Variants in FBN2 observed in about 807,000 individuals in gnomAD.
FBN2 encodes fibrillin-2.
FBN2 carries 105 observed loss-of-function variants against 355.6 expected under a neutral mutation model. That is an observed-to-expected ratio of 0.30 (90% CI 0.25 to 0.35). The LOEUF is 0.35. Among genes scored for constraint, FBN2 ranks in the 10% least tolerant of loss-of-function variants. The pLI is 1.00. For synonymous variants in FBN2, 1,350 were observed against 1,301.2 expected (o/e 1.04, Z -0.81); for missense variants, 3,280 against 3,758.7 (o/e 0.87, Z 3.33).
intron 48 of FBN2, among the ~76,000 whole-genome samples, chr5:128,292,090 T>C (rs1749339858): frequency 6.6e-6 from 1 of 152,108 alleles, no homozygotes; most frequent in South Asian, 2.1e-4. Flanking sequence ...GTGGCAGCCA[T>C]TTCTACCTCC....
chr5:128,275,875 A>G (rs552169696), intron 59 of FBN2, among the ~76,000 whole-genome samples, 163 bp downstream of exon 59: 1 of 152,278 alleles, frequency 6.6e-6, no homozygotes, highest in East Asian at 1.9e-4. Context: ...GCTTCCTGCA[A>G]TGAGCATATT....
chr5:128,461,967 A>G (rs1238676346), intron 6 of FBN2, among the ~76,000 whole-genome samples: 1 of 152,216 alleles, frequency 6.6e-6, no homozygotes, highest in African/African-American at 2.4e-5. Flanking sequence ...TTTTTTAATA[A>G]GAAATAAAGC....
At chr5:128,490,596 A>T (rs940248407) in intron 5 of FBN2, among the ~76,000 whole-genome samples, 4 of 152,240 alleles carry the variant, frequency 2.6e-5, no homozygotes, top group African/African-American at 9.6e-5. Context: ...GTGATTACAC[A>T]GGTTTATGTC....
intron 6 of FBN2, among the ~76,000 whole-genome samples, chr5:128,462,246 T>C (rs1221681418): frequency 6.6e-6 from 1 of 152,216 alleles, no homozygotes; most frequent in African/African-American, 2.4e-5. Flanking sequence ...TCAATCATCG[T>C]ATAAAAAAGA....
At chr5:128,415,193 CTA>C (rs1753164403) in intron 7 of FBN2, among the ~76,000 whole-genome samples, 2 of 152,078 alleles carry the variant, frequency 1.3e-5, no homozygotes, top group Admixed American at 1.3e-4. Context: ...ACTATCATTT[CTA>C]TGTGGTAAAA....
intron 36 of FBN2, among the ~76,000 whole-genome samples, chr5:128,316,669 T>A (rs1314155702): frequency 6.6e-6 from 1 of 152,194 alleles, no homozygotes; most frequent in East Asian, 1.9e-4. Context: ...ATACTTCACA[T>A]TATCCAGGTT....
At chr5:128,379,563 A>T (rs539711069) in intron 11 of FBN2, among the ~76,000 whole-genome samples, 16 of 152,144 alleles carry the variant, frequency 1.1e-4, no homozygotes, top group Non-Finnish European at 2.1e-4. Context: ...GTTTTATGCA[A>T]ATACTAGTCG....
rs116646643 is a variant in FBN2 at position 128,277,181 on chromosome 5, A to G, written c.7471+699T>C. On this transcript the variant is annotated intron_variant, in intron 58 of 64. Coordinates refer to ENST00000262464, the MANE Select transcript of FBN2 (RefSeq NM_001999.4). ...GATAGAATATCAAGTAAGCTAATGA[A>G]ATATAAAGGAGAAAAAAAATTTTTT... Among the ~76,000 whole-genome samples, 1,049 of 152,342 alleles carry G rather than the reference A, an allele frequency of 6.9e-3. 10 individuals are homozygous for G. Among genetic ancestry groups the G allele is most frequent in the African/African-American group, 0.025 (1,020 of 41,576 alleles).
chr5:128,433,529 G>GA (rs1299710439), intron 7 of FBN2, among the ~76,000 whole-genome samples: 1 of 152,226 alleles, frequency 6.6e-6, no homozygotes, highest in African/African-American at 2.4e-5. Context: ...TTACTAATGG[G>GA]AAAAGCAAAG....
chr5:128,370,801 T>C (rs568924852), intron 15 of FBN2, among the ~76,000 whole-genome samples: 1 of 152,218 alleles, frequency 6.6e-6, no homozygotes, highest in African/African-American at 2.4e-5. Context: ...ACATGTTATA[T>C]GGTAGTTTGC....
At chr5:128,300,764 A>C in intron 48 of FBN2, 53 bp downstream of exon 48, 1 of 1,594,862 alleles carries the variant, frequency 6.3e-7, no homozygotes, top group Non-Finnish European at 8.6e-7. Context: ...AGTCTTTACC[A>C]TGTCTTACTA....
chr5:128,329,938 T>C (rs2126888196), intron 33 of FBN2, among the ~76,000 whole-genome samples: 1 of 152,310 alleles, frequency 6.6e-6, no homozygotes, highest in Non-Finnish European at 1.5e-5. Context: ...TATGAATGAA[T>C]AGAAGCCAAA....
intron 25 of FBN2, among the ~76,000 whole-genome samples, chr5:128,340,615 G>A (rs918790136): frequency 3.5e-4 from 53 of 152,110 alleles, no homozygotes; most frequent in African/African-American, 1.2e-3. Context: ...TATAAACAGT[G>A]TGGATTCTAG....
intron 39 of FBN2, among the ~76,000 whole-genome samples, chr5:128,310,847 A>G (rs1750035264): frequency 1.3e-5 from 2 of 152,102 alleles, no homozygotes; most frequent in Admixed American, 6.6e-5. Context: ...GAATTGAAAT[A>G]CCATGTGATC....
chr5:128,437,799 TAGATAGATAGATAGATAGATAGAC>T (rs1352346628), intron 7 of FBN2, among the ~76,000 whole-genome samples: 6 of 151,298 alleles, frequency 4.0e-5, no homozygotes, highest in African/African-American at 1.2e-4. Context: ...GATAGATAGA[TAGATAGATAGATAGATAGATAGAC>T]AGACAGACAG....
At chr5:128,320,296 C>T (rs1750334641) in intron 34 of FBN2, among the ~76,000 whole-genome samples, 1 of 151,798 alleles carries the variant, frequency 6.6e-6, no homozygotes, top group African/African-American at 2.4e-5. Flanking sequence ...CTCACTGCAG[C>T]CACAATCTCC....
chr5:128,287,559 C>G (rs146291176), intron 53 of FBN2, 129 bp from the exon 54 acceptor site: 4 of 965,154 alleles, frequency 4.1e-6, no homozygotes, highest in South Asian at 2.7e-5. Context: ...ACATCTGGTA[C>G]GCAGAATTTA....
At chr5:128,529,145 T>C (rs1756643403) in intron 3 of FBN2, among the ~76,000 whole-genome samples, 1 of 152,234 alleles carries the variant, frequency 6.6e-6, no homozygotes, top group African/African-American at 2.4e-5. Flanking sequence ...AGATGTCAAA[T>C]GGGAAAGGGA....
intron 25 of FBN2, among the ~76,000 whole-genome samples, chr5:128,343,221 T>C (rs1212692138): frequency 6.6e-6 from 1 of 152,062 alleles, no homozygotes; most frequent in Non-Finnish European, 1.5e-5. Context: ...AATATGAGTG[T>C]TGTCAAGCAG....
Sources: allele counts gnomAD v4.1 joint callset (sites outside exome capture counted in the v4.1 genomes callset), GRCh38; gene constraint gnomAD v4.1.1; transcripts MANE v1.5; gene names NCBI Gene and HGNC (gene_info 2026-07-23, HGNC 2026-07-21).